The following DLGAP2 variants were observed in gnomAD, a reference collection of about 807,000 sequenced individuals.
The protein encoded by DLGAP2 is DLG associated protein 2, also known as disks large-associated protein 2.
Under a neutral mutation model 100.3 loss-of-function variants are expected in DLGAP2, and 26 were observed. That is an observed-to-expected ratio of 0.26 (90% confidence interval 0.19 to 0.36). The LOEUF (loss-of-function observed/expected upper bound fraction) is 0.36, where lower values mean the gene tolerates loss of function less well. DLGAP2 is among the 10% of genes least tolerant of loss of function. DLGAP2 has a pLI of 1.00. For missense variants in DLGAP2, 1,858 were observed against 1,453.2 expected (o/e 1.28, Z -4.53); for synonymous variants, 886 against 630.1 (o/e 1.41, Z -6.08).
intron 1 of DLGAP2, among the ~76,000 whole-genome samples, chr8:767,105 C>A (rs752246859): frequency 6.6e-6 from 1 of 152,162 alleles, no homozygotes; most frequent in Non-Finnish European, 1.5e-5. Flanking sequence ...CCCCGGGGTG[C>A]ATCTCCTCTT....
At chr8:871,131 C>T (rs1797589272) in intron 1 of DLGAP2, among the ~76,000 whole-genome samples, 1 of 152,288 alleles carries the variant, frequency 6.6e-6, no homozygotes, top group African/African-American at 2.4e-5. Flanking sequence ...CAGGTGTCTG[C>T]CTGTGAGGAT....
At chr8:1,254,387 C>T (rs895333093) in intron 2 of DLGAP2, among the ~76,000 whole-genome samples, 3 of 152,122 alleles carry the variant, frequency 2.0e-5, no homozygotes. Context: ...CATGTTCACT[C>T]CGTTTTCCTG....
At chr8:1,568,769 G>C in intron 6 of DLGAP2, among the ~76,000 whole-genome samples, 1 of 120,964 alleles carries the variant, frequency 8.3e-6, no homozygotes, top group Admixed American at 8.5e-5. Flanking sequence ...TGTCCACTCA[G>C]CAGACACAAA....
chr8:1,508,313 A>ACCCCCCC, intron 4 of DLGAP2, among the ~76,000 whole-genome samples: 1 of 12,746 alleles, frequency 7.8e-5, no homozygotes, highest in African/African-American at 4.1e-4. Flanking sequence ...GCAAACGCCC[A>ACCCCCCC]CCACCCCCCA....
At chr8:1,309,113 A>C (rs1380934521) in intron 3 of DLGAP2, among the ~76,000 whole-genome samples, 1 of 152,190 alleles carries the variant, frequency 6.6e-6, no homozygotes, top group African/African-American at 2.4e-5. Context: ...GTGGAACATC[A>C]TCGGGCTGAT....
Position 1,482,762 on chromosome 8 carries a change from C to A in DLGAP2, c.107-18604C>A, listed in dbSNP as rs149528176. Among the ~76,000 whole-genome samples, 388 of 152,352 alleles carry A rather than the reference C, an allele frequency of 2.5e-3. 1 individual carries two copies. The highest frequency in any genetic ancestry group is 8.9e-3 in the African/African-American group (370 of 41,592). On this transcript the variant is annotated intron_variant, in intron 3 of 14. Transcript: ENST00000637795. ...CCTCGGCGTCTCCCCGCCCCAAACA[C>A]AGAGTAGGAGCTGCAGGCAGCCGTG...
At chr8:1,171,324 C>A (rs976969830) in intron 2 of DLGAP2, among the ~76,000 whole-genome samples, 31 of 151,974 alleles carry the variant, frequency 2.0e-4, no homozygotes, top group East Asian at 3.9e-4. Flanking sequence ...GTTTTGGAAT[C>A]GGTGTGGTTT....
At chr8:919,429 T>A (rs1164621823) in intron 2 of DLGAP2, among the ~76,000 whole-genome samples, 2 of 152,154 alleles carry the variant, frequency 1.3e-5, no homozygotes, top group Non-Finnish European at 2.9e-5. Context: ...GAAGGGAAGC[T>A]GGTGGAGTCT....
chr8:1,552,238 G>A (rs1584919154), intron 5 of DLGAP2, among the ~76,000 whole-genome samples: 1 of 152,242 alleles, frequency 6.6e-6, no homozygotes, highest in Admixed American at 6.5e-5. Flanking sequence ...GAGGATCGGA[G>A]GATAGAAGGA....
At chr8:751,439 G>A (rs1327045698) in intron 1 of DLGAP2, among the ~76,000 whole-genome samples, 1 of 152,196 alleles carries the variant, frequency 6.6e-6, no homozygotes, top group African/African-American at 2.4e-5. Flanking sequence ...GTCCTCACTC[G>A]GCCGTCTCGT....
chr8:868,887 A>C (rs1797547564), intron 1 of DLGAP2, among the ~76,000 whole-genome samples: 1 of 152,216 alleles, frequency 6.6e-6, no homozygotes, highest in African/African-American at 2.4e-5. Flanking sequence ...CGCAGGTTCC[A>C]GTCATTGTGT....
chr8:1,487,485 AATTG>A (rs1799260581), intron 3 of DLGAP2, among the ~76,000 whole-genome samples: 1 of 152,210 alleles, frequency 6.6e-6, no homozygotes, highest in South Asian at 2.1e-4. Flanking sequence ...TTCTACCTGT[AATTG>A]ATTGAGTTGA....
At chr8:1,112,484 C>A (rs1228718661) in intron 2 of DLGAP2, among the ~76,000 whole-genome samples, 7 of 152,196 alleles carry the variant, frequency 4.6e-5, no homozygotes, top group Non-Finnish European at 8.8e-5. Context: ...TCATGATTCA[C>A]CTGCCTCAGC....
intron 1 of DLGAP2, among the ~76,000 whole-genome samples, chr8:805,904 A>T (rs1462674979): frequency 6.6e-6 from 1 of 152,378 alleles, no homozygotes; most frequent in African/African-American, 2.4e-5. Flanking sequence ...GAACATAGCC[A>T]GCACCTACAA....
intron 1 of DLGAP2, among the ~76,000 whole-genome samples, chr8:848,740 T>C (rs1195358759): frequency 1.3e-4 from 15 of 115,680 alleles, no homozygotes; most frequent in African/African-American, 3.1e-4. Context: ...GTGCGGTGCG[T>C]GTTCCAGTGT....
chr8:1,621,642 C>G (rs1230963028), intron 6 of DLGAP2: 1 of 152,226 alleles, frequency 6.6e-6, no homozygotes, highest in African/African-American at 2.4e-5. Flanking sequence ...CATAGACTCA[C>G]CAGCTGGAGC....
At chr8:892,135 T>C (rs954623910) in intron 1 of DLGAP2, among the ~76,000 whole-genome samples, 1 of 151,884 alleles carries the variant, frequency 6.6e-6, no homozygotes, top group Admixed American at 6.6e-5. Flanking sequence ...CTGTGGAAAA[T>C]GGTGTATGGA....
At chr8:1,550,597 C>G (rs377219260) in intron 5 of DLGAP2, among the ~76,000 whole-genome samples, 32 of 152,286 alleles carry the variant, frequency 2.1e-4, no homozygotes, top group African/African-American at 7.5e-4. Context: ...AAGCACCCCC[C>G]ACTACAAAAA....
chr8:1,112,237 A>AT (rs4044488), intron 2 of DLGAP2, among the ~76,000 whole-genome samples: 37,021 of 96,936 alleles, frequency 0.38, 8,118 homozygotes, highest in South Asian at 0.43. Flanking sequence ...TCCTTTGCCC[A>AT]TTTTTTTTTT....
Sources: gnomAD v4.1 joint callset for allele counts (sites outside exome capture counted in the v4.1 genomes callset) on GRCh38, gnomAD v4.1.1 for gene constraint, MANE v1.5 for transcripts, NCBI Gene and HGNC (gene_info 2026-07-23, HGNC 2026-07-21) for gene names.